The following IFT57 variants were observed in gnomAD, a reference collection of about 807,000 sequenced individuals.
The protein encoded by IFT57 is intraflagellar transport 57, also known as intraflagellar transport protein 57 homolog.
IFT57 carries 59 observed loss-of-function variants against 56.8 expected under a neutral mutation model. The ratio of observed to expected loss-of-function variants is 1.04; its 90% CI spans 0.84 to 1.29. IFT57 has a LOEUF of 1.29. IFT57 is among the 50% of genes most tolerant of loss of function. The pLI, the probability that IFT57 is intolerant of heterozygous loss-of-function variation, is 0.00. For synonymous variants in IFT57, 209 were observed against 186.1 expected (o/e 1.12, Z -1.00); for missense variants, 470 against 522.1 (o/e 0.90, Z 0.97).
chr3:108,196,891 C>T (rs979374334), intron 5 of IFT57, among the ~76,000 whole-genome samples: 2 of 152,186 alleles, frequency 1.3e-5, no homozygotes, highest in African/African-American at 4.8e-5. Flanking sequence ...ATTAACTGAG[C>T]AAGCCCTATA....
intron 10 of IFT57, 41 bp from the exon 11 acceptor site, chr3:108,162,696 G>GGGCCGGGCGCGGTGGCTCACGCCTGT: frequency 3.4e-6 from 5 of 1,472,542 alleles, no homozygotes; most frequent in Non-Finnish European, 3.7e-6. Flanking sequence ...TGTTCATTTG[G>GGGCCGGGCGCGGTGGCTCACGCCTGT]AGTATCAGTG....
chr3:108,173,391 T>C (rs1346406402), intron 6 of IFT57, among the ~76,000 whole-genome samples: 2 of 151,744 alleles, frequency 1.3e-5, no homozygotes, highest in Non-Finnish European at 2.9e-5. Flanking sequence ...GTGTGTTTAT[T>C]ATTGGGCTTC....
Position 108,163,729 on chromosome 3 carries a change from C to T in IFT57, c.1045G>A (p.Val349Ile), listed in dbSNP as rs575428810. 1 of 1,601,712 alleles carries T rather than the reference C, an allele frequency of 6.2e-7. No individual in the cohort carries two copies. Among genetic ancestry groups the T allele is most frequent in the South Asian group, 1.1e-5 (1 of 90,336 alleles). Residue 349 changes from valine to isoleucine, a missense_variant and splice_region_variant, in exon 10 of 11, where the codon GTT becomes ATT. Transcript: ENST00000264538. ...TTTACCTTTTCTAATTCTTCCATAA[C>T]CTTTCATGAAAACAAGTTTTCATGA... ...VTERTRLLSE[V>I]MEELEKVKQE...
rs552989891 is a variant in IFT57 at position 108,172,981 on chromosome 3, G to C, written c.778-5117C>G. ...ATTAAAATCTTCTAGATGGACACAT[G>C]CCTGATATAAAGTTAAAGTCAAAAA... On this transcript the variant is annotated intron_variant, in intron 6 of 10. Transcript: ENST00000264538. Among the ~76,000 whole-genome samples the C allele has an allele frequency of 2.0e-5, 3 of 151,898 alleles. No individual in the cohort carries two copies. In the East Asian group the frequency reaches 5.8e-4, roughly 29 times the overall value.
At chr3:108,214,502 A>G (rs1379461940) in intron 3 of IFT57, among the ~76,000 whole-genome samples, 1 of 152,162 alleles carries the variant, frequency 6.6e-6, no homozygotes, top group Non-Finnish European at 1.5e-5. Flanking sequence ...ACAACTTTGT[A>G]CAGTATTGTT....
rs1392689538 is a variant in IFT57, at chr3:108,206,046, A to G, written c.654+582T>C. On this transcript the variant is annotated intron_variant, in intron 5 of 10. Coordinates refer to ENST00000264538, the MANE Select transcript of IFT57 (RefSeq NM_018010.4). The stretch of plus-strand genomic sequence containing the variant: ...ATATTGTATATTATTTATAATATAT[A>G]TTATATATTATTTATATATAATAAT... Among the ~76,000 whole-genome samples the G allele has an allele frequency of 8.6e-5, 9 of 104,644 alleles. No homozygotes were observed. In the East Asian group the frequency reaches 1.8e-3, roughly 21 times the overall value. 68.7% of individuals were successfully genotyped at this position (104,644 alleles called of 152,430 possible). A position where few individuals can be genotyped will look rare whatever the true frequency, so the allele number is the denominator to read the frequency against.
At chr3:108,167,941 A>C (rs1577046672) in intron 6 of IFT57, 77 bp from the exon 7 acceptor site, 1 of 1,076,328 alleles carries the variant, frequency 9.3e-7, no homozygotes, top group East Asian at 2.7e-5. Context: ...TGAAGTTGTA[A>C]CCTTTAATTA....
intron 6 of IFT57, among the ~76,000 whole-genome samples, chr3:108,182,474 A>C (rs1005793679): frequency 6.6e-6 from 1 of 152,076 alleles, no homozygotes; most frequent in Non-Finnish European, 1.5e-5. Flanking sequence ...TCTCACTGTG[A>C]CTAGAGAGGC....
At chr3:108,187,585 G>GT (rs1327461271) in intron 6 of IFT57, among the ~76,000 whole-genome samples, 1 of 146,124 alleles carries the variant, frequency 6.8e-6, no homozygotes, top group Non-Finnish European at 1.5e-5. Context: ...TTTCATGTAA[G>GT]TTAAAAAAAA....
intron 1 of IFT57, among the ~76,000 whole-genome samples, chr3:108,221,475 A>C (rs1560132461): frequency 6.6e-6 from 1 of 152,154 alleles, no homozygotes; most frequent in Non-Finnish European, 1.5e-5. Context: ...TGATAGGGGG[A>C]CAATTCAATA....
intron 7 of IFT57, 21 bp downstream of exon 7, chr3:108,167,772 C>G: frequency 1.4e-6 from 2 of 1,465,566 alleles, no homozygotes; most frequent in Middle Eastern, 1.8e-4. Flanking sequence ...TACATTGATT[C>G]ACGTAAAGTA....
intron 3 of IFT57, among the ~76,000 whole-genome samples, chr3:108,216,469 AAAT>A (rs751291107): frequency 6.6e-6 from 1 of 152,174 alleles, no homozygotes; most frequent in Non-Finnish European, 1.5e-5. Flanking sequence ...TCGCCCCCCA[AAAT>A]AACAAAGGCT....
intron 6 of IFT57, among the ~76,000 whole-genome samples, chr3:108,170,789 G>A (rs1387352439): frequency 6.6e-6 from 1 of 151,752 alleles, no homozygotes; most frequent in Non-Finnish European, 1.5e-5. Context: ...GCATGATACT[G>A]GTACCAAAAC....
intron 4 of IFT57, among the ~76,000 whole-genome samples, chr3:108,209,773 A>T (rs1051194273): frequency 1.3e-5 from 2 of 152,196 alleles, no homozygotes; most frequent in East Asian, 3.8e-4. Flanking sequence ...ACAAACTATC[A>T]GCTCAGCTCT....
At chr3:108,170,119 A>G (rs1487182328) in intron 6 of IFT57, among the ~76,000 whole-genome samples, 1 of 152,036 alleles carries the variant, frequency 6.6e-6, no homozygotes, top group Non-Finnish European at 1.5e-5. Flanking sequence ...CCCCACTCCT[A>G]TTCAACATAG....
intron 6 of IFT57, among the ~76,000 whole-genome samples, chr3:108,175,401 T>C (rs1490148511): frequency 6.6e-6 from 1 of 151,830 alleles, no homozygotes; most frequent in Non-Finnish European, 1.5e-5. Flanking sequence ...ATTGTAACCA[T>C]AGATCCCCTC....
intron 5 of IFT57, among the ~76,000 whole-genome samples, chr3:108,201,770 A>G (rs2080279328): frequency 1.3e-5 from 2 of 152,240 alleles, no homozygotes; most frequent in African/African-American, 2.4e-5. Context: ...AAATTAAAAA[A>G]ATTAAAGTAT....
intron 5 of IFT57, among the ~76,000 whole-genome samples, chr3:108,195,563 T>C (rs577111768): frequency 6.6e-6 from 1 of 152,322 alleles, no homozygotes. Context: ...AGATAGGGAA[T>C]CAACCTAAGT....
chr3:108,212,957 C>A (rs1034185837), intron 4 of IFT57, among the ~76,000 whole-genome samples: 1 of 152,144 alleles, frequency 6.6e-6, no homozygotes, highest in Non-Finnish European at 1.5e-5. Flanking sequence ...AAGACCAACC[C>A]TTCCTCTTGC....
Sources: allele counts gnomAD v4.1 joint callset (sites outside exome capture counted in the v4.1 genomes callset), GRCh38; gene constraint gnomAD v4.1.1; transcripts MANE v1.5; gene names NCBI Gene and HGNC (gene_info 2026-07-23, HGNC 2026-07-21).